Variants in CAMTA1 observed in about 807,000 individuals in gnomAD.
CAMTA1 encodes the protein calmodulin binding transcription activator 1, also known as calmodulin-binding transcription activator 1.
A neutral mutation model predicts 170.9 loss-of-function variants in CAMTA1; 27 were observed. The observed-to-expected ratio is 0.16, with a 90% CI of 0.12 to 0.22. The LOEUF (loss-of-function observed/expected upper bound fraction) is 0.22, where lower values mean the gene tolerates loss of function less well. Among genes scored for constraint, CAMTA1 ranks in the 10% least tolerant of loss-of-function variants. The pLI, the probability that CAMTA1 is intolerant of heterozygous loss-of-function variation, is 1.00. For missense variants in CAMTA1, 1,619 were observed against 2,217.2 expected, an observed-to-expected ratio of 0.73 and a Z score of 5.42; for synonymous variants, 833 against 891.5, an observed-to-expected ratio of 0.93 and a Z score of 1.17.
chr1:7,337,306 C>A (rs1007013823), intron 5 of CAMTA1, among the ~76,000 whole-genome samples: 1 of 152,198 alleles, frequency 6.6e-6, no homozygotes, highest in East Asian at 1.9e-4. Context: ...TAGGAGAGGG[C>A]GTGTCTGATA....
intron 6 of CAMTA1, among the ~76,000 whole-genome samples, chr1:7,552,475 C>G (rs1446120537): frequency 6.6e-6 from 1 of 152,236 alleles, no homozygotes; most frequent in Non-Finnish European, 1.5e-5. Context: ...CAGCATTCAG[C>G]AGACTCTCCT....
chr1:7,209,601 A>G (rs755883503), intron 4 of CAMTA1, among the ~76,000 whole-genome samples: 2 of 152,122 alleles, frequency 1.3e-5, no homozygotes, highest in African/African-American at 2.4e-5. Context: ...TAATGTATGA[A>G]ACAACCTCGT....
intron 1 of CAMTA1, among the ~76,000 whole-genome samples, chr1:6,815,360 A>G (rs1038506785): frequency 6.6e-6 from 1 of 152,032 alleles, no homozygotes; most frequent in African/African-American, 2.4e-5. Context: ...ACACAGTACC[A>G]CACCTGGCTA....
intron 5 of CAMTA1, among the ~76,000 whole-genome samples, chr1:7,450,748 G>A (rs915428367): frequency 1.3e-5 from 2 of 152,200 alleles, no homozygotes; most frequent in Non-Finnish European, 2.9e-5. Flanking sequence ...CAGCCTGCAT[G>A]TCATTACACA....
intron 1 of CAMTA1, among the ~76,000 whole-genome samples, chr1:6,788,175 C>T (rs1422656318): frequency 1.3e-5 from 2 of 151,590 alleles, no homozygotes; most frequent in East Asian, 1.9e-4. Context: ...CCCTCCCTCC[C>T]TCCCTCCCTT....
At chr1:7,720,978 C>T (rs1356894655) in intron 11 of CAMTA1, among the ~76,000 whole-genome samples, 1 of 152,144 alleles carries the variant, frequency 6.6e-6, no homozygotes, top group Non-Finnish European at 1.5e-5. Flanking sequence ...ACCTGGGGAG[C>T]GGAGGCTGCT....
chr1:7,103,786 C>T (rs1573061395), intron 4 of CAMTA1, among the ~76,000 whole-genome samples: 1 of 150,194 alleles, frequency 6.7e-6, no homozygotes, highest in East Asian at 2.0e-4. Context: ...CATAACTACA[C>T]GTACATACAA....
chr1:6,855,366 G>A (rs1004348278), intron 3 of CAMTA1, among the ~76,000 whole-genome samples: 8 of 151,422 alleles, frequency 5.3e-5, no homozygotes, highest in Non-Finnish European at 8.8e-5. Context: ...GCATGGTGCC[G>A]GCATCTGCTT....
At chr1:7,551,312 G>T (rs2094799092) in intron 6 of CAMTA1, among the ~76,000 whole-genome samples, 3 of 152,152 alleles carry the variant, frequency 2.0e-5, no homozygotes, top group Admixed American at 1.3e-4. Flanking sequence ...CTGAGTGTAT[G>T]TGCATGTGTG....
chr1:7,107,988 T>C (rs1643776775), intron 4 of CAMTA1, among the ~76,000 whole-genome samples: 1 of 152,156 alleles, frequency 6.6e-6, no homozygotes, highest in Non-Finnish European at 1.5e-5. Context: ...AACCACCCCC[T>C]CGCTCAGTCC....
Position 7,738,663 on chromosome 1 carries a change from G to A in CAMTA1, c.4182+181G>A, listed in dbSNP as rs180701618. On this transcript the variant is annotated intron_variant, in intron 16 of 22. Coordinates refer to ENST00000303635, the MANE Select transcript of CAMTA1 (RefSeq NM_015215.4). This position sits in a 1 kb window ranked among gnomAD's most constrained non-coding sequence, Gnocchi z 4.9. ...GGGCCACATTTTCATTCGGTGAATC[G>A]GGCACCGGGAGTAGGGCCTGAATAC... Among the ~76,000 whole-genome samples, 34 of 152,208 alleles carry A rather than the reference G, an allele frequency of 2.2e-4. No individual in the cohort carries two copies. Among genetic ancestry groups the A allele is most frequent in the African/African-American group, 7.7e-4 (32 of 41,526 alleles).
chr1:7,547,880 T>C lies in CAMTA1; in HGVS notation c.510+79979T>C, dbSNP rs1390625820. 6.6e-6 allele frequency among the ~76,000 whole-genome samples: 1 copy of C among 152,080 alleles called. No individual in the cohort carries two copies. The highest frequency in any genetic ancestry group is 1.9e-4 in the East Asian group (1 of 5,182). ...CCCCTTGCAAGGGCACTCCACTGTGTGGACCCCCCACTCACCCGTCAATAT... is the reference window on the plus strand; with the variant it reads ...CCCCTTGCAAGGGCACTCCACTGTGCGGACCCCCCACTCACCCGTCAATAT... On this transcript the variant is annotated intron_variant, in intron 6 of 22. Coordinates refer to ENST00000303635, the MANE Select transcript of CAMTA1 (RefSeq NM_015215.4). The surrounding 1 kb of genome is among the most constrained non-coding windows in gnomAD (Gnocchi z 5.7).
rs533274000 is a variant in CAMTA1, at chr1:7,603,069, C to A, written c.511-37331C>A. Among the ~76,000 whole-genome samples the A allele has an allele frequency of 2.0e-5, 3 of 152,250 alleles. No homozygotes were observed. The South Asian group carries it at 6.2e-4, about 32-fold the overall frequency. On this transcript the variant is annotated intron_variant, in intron 6 of 22. Coordinates refer to ENST00000303635, the MANE Select transcript of CAMTA1 (RefSeq NM_015215.4). ...GAGACAGCTTGTTATAATTTCTGTT[C>A]TTTTACATTTGCTGAGGAGTGCTTT...
At chr1:7,474,876 C>T (rs1009186979) in intron 6 of CAMTA1, among the ~76,000 whole-genome samples, 1 of 152,246 alleles carries the variant, frequency 6.6e-6, no homozygotes, top group African/African-American at 2.4e-5. Context: ...CCGCACCCCA[C>T]TCCAGGACCA....
Position 7,641,847 on chromosome 1 carries a change from T to C in CAMTA1, c.664+1294T>C, listed in dbSNP as rs970216820. On this transcript the variant is annotated intron_variant, in intron 7 of 22. Transcript: ENST00000303635. The surrounding 1 kb of genome is among the most constrained non-coding windows in gnomAD (Gnocchi z 4.5). ...CTCAGACCACACCCAGTGGCAACCT[T>C]CTTAACTGCAGCCCTGACCACATCC... Among the ~76,000 whole-genome samples the C allele has an allele frequency of 2.6e-5, 4 of 152,032 alleles. No homozygotes were observed. Among genetic ancestry groups the C allele is most frequent in the African/African-American group, 9.7e-5 (4 of 41,378 alleles).
intron 3 of CAMTA1, among the ~76,000 whole-genome samples, chr1:7,046,410 C>T (rs76761009): frequency 0.028 from 4,267 of 152,302 alleles, 191 homozygotes; most frequent in African/African-American, 0.098. Context: ...CTGCCGGAGG[C>T]TTCCAGAGGG....
chr1:7,105,407 C>A (rs552413995), intron 4 of CAMTA1, among the ~76,000 whole-genome samples: 1 of 152,306 alleles, frequency 6.6e-6, no homozygotes, highest in African/African-American at 2.4e-5. Flanking sequence ...ACATTGCCAT[C>A]AGTTAGGAGA....
chr1:6,797,713 A>G (rs1642880744), intron 1 of CAMTA1, among the ~76,000 whole-genome samples: 1 of 151,974 alleles, frequency 6.6e-6, no homozygotes, highest in African/African-American at 2.4e-5. Context: ...ATGCCATAAC[A>G]ACTCACAGAT....
intron 11 of CAMTA1, among the ~76,000 whole-genome samples, chr1:7,679,579 C>A (rs1004415566): frequency 4.5e-5 from 5 of 111,528 alleles, no homozygotes; most frequent in Non-Finnish European, 1.1e-4. Flanking sequence ...CTAGCTGCCC[C>A]CCCCCCCAGA....
Sources: allele counts gnomAD v4.1 joint callset (sites outside exome capture counted in the v4.1 genomes callset), GRCh38; gene constraint gnomAD v4.1.1; non-coding constraint Gnocchi (gnomAD v3.1); transcripts MANE v1.5; gene names NCBI Gene and HGNC (gene_info 2026-07-23, HGNC 2026-07-21).